The following KIT variants were observed in gnomAD, a reference collection of about 807,000 sequenced individuals.
The protein encoded by KIT is mast/stem cell growth factor receptor Kit.
Under a neutral mutation model 105.7 loss-of-function variants are expected in KIT, and 16 were observed. The observed-to-expected ratio is 0.15, with a 90% CI of 0.10 to 0.23. The LOEUF (loss-of-function observed/expected upper bound fraction) is 0.23, where lower values mean the gene tolerates loss of function less well. KIT is among the 10% of genes least tolerant of loss of function. KIT has a pLI of 1.00. For synonymous variants in KIT, 438 were observed against 441.1 expected, an observed-to-expected ratio of 0.99 and a Z score of 0.09; for missense variants, 858 against 1,213.8, an observed-to-expected ratio of 0.71 and a Z score of 4.36.
intron 19 of KIT, 80 bp from the exon 20 acceptor site, chr4:54,737,095 C>A: frequency 1.1e-6 from 1 of 898,106 alleles, no homozygotes; most frequent in Non-Finnish European, 1.9e-6. Context: ...GGAATTATTA[C>A]TGAAGTTGCT....
At chr4:54,717,383 G>A (rs1383936681) in intron 7 of KIT, among the ~76,000 whole-genome samples, 2 of 152,138 alleles carry the variant, frequency 1.3e-5, no homozygotes, top group African/African-American at 4.8e-5. Context: ...GGGCCTTGAT[G>A]TAAACACTGA....
chr4:54,660,650 A>G (rs949392909), intron 1 of KIT, among the ~76,000 whole-genome samples: 1 of 151,874 alleles, frequency 6.6e-6, no homozygotes, highest in African/African-American at 2.4e-5. Flanking sequence ...TTGGGGCTTT[A>G]CCTATTTCTA....
chr4:54,678,620 G>A (rs1718688362), intron 1 of KIT, among the ~76,000 whole-genome samples: 1 of 152,058 alleles, frequency 6.6e-6, no homozygotes, highest in Non-Finnish European at 1.5e-5. Context: ...ATCCATGCAT[G>A]TCTGACTCCA....
intron 7 of KIT, among the ~76,000 whole-genome samples, chr4:54,709,925 TG>T (rs1382655249): frequency 3.3e-5 from 5 of 152,222 alleles, no homozygotes; most frequent in Non-Finnish European, 7.3e-5. Flanking sequence ...AGCCCTGACG[TG>T]ATTTCTTTGT....
At chr4:54,684,371 C>T (rs1225235533) in intron 1 of KIT, among the ~76,000 whole-genome samples, 1 of 152,006 alleles carries the variant, frequency 6.6e-6, no homozygotes, top group African/African-American at 2.4e-5. Flanking sequence ...AAGAGTAGGT[C>T]CAAAAAAAGG....
In KIT at chr4:54,678,290, CTCCTTCCTTCCTTCCTTCCT is replaced by C. The variant is rs55800200; in HGVS notation, c.68-17178_68-17159del. ...TTCAATGCATTCCATGGCTGGCTCG[CTCCTTCCTTCCTTCCTTCCT>C]TCCTTCCTTCCTTCCTTCCTTCCTT... On this transcript the variant is annotated intron_variant, in intron 1 of 20. Coordinates refer to ENST00000288135, the MANE Select transcript of KIT (RefSeq NM_000222.3). Among the ~76,000 whole-genome samples the C allele has an allele frequency of 5.7e-3, 578 of 101,612 alleles. 11 individuals carry two copies. Among genetic ancestry groups the C allele is most frequent in the African/African-American group, 0.019 (405 of 21,858 alleles). 66.7% of individuals were successfully genotyped at this position (101,612 alleles called of 152,430 possible).
At chr4:54,704,225 G>A (rs1033092438) in intron 5 of KIT, among the ~76,000 whole-genome samples, 3 of 152,216 alleles carry the variant, frequency 2.0e-5, no homozygotes, top group African/African-American at 7.2e-5. Context: ...GGAAATGGAT[G>A]TAGAATTTAT....
chr4:54,692,618 T>C (rs1719787610), intron 1 of KIT, among the ~76,000 whole-genome samples: 1 of 152,208 alleles, frequency 6.6e-6, no homozygotes, highest in South Asian at 2.1e-4. Flanking sequence ...CATTGGGAAC[T>C]GTTCTTTTTT....
chr4:54,667,405 T>C (rs979692673), intron 1 of KIT, among the ~76,000 whole-genome samples: 1 of 152,190 alleles, frequency 6.6e-6, no homozygotes, highest in Non-Finnish European at 1.5e-5. Context: ...AGGAAGATGG[T>C]CCTGGGTAGG....
chr4:54,696,543 G>A (rs1720080545), intron 2 of KIT, among the ~76,000 whole-genome samples: 1 of 152,182 alleles, frequency 6.6e-6, no homozygotes, highest in African/African-American at 2.4e-5. Context: ...GGCTGTCTTT[G>A]AAACAGGCCT....
At chr4:54,683,896 A>G (rs551273204) in intron 1 of KIT, among the ~76,000 whole-genome samples, 2 of 152,338 alleles carry the variant, frequency 1.3e-5, no homozygotes, top group Admixed American at 1.3e-4. Flanking sequence ...GGCAATGTTG[A>G]GGAATCTGAG....
intron 7 of KIT, among the ~76,000 whole-genome samples, chr4:54,722,400 T>A (rs1721936301): frequency 6.6e-6 from 1 of 152,164 alleles, no homozygotes; most frequent in Admixed American, 6.5e-5. Flanking sequence ...CAGTTATTAT[T>A]CCCATTTTAC....
intron 7 of KIT, among the ~76,000 whole-genome samples, chr4:54,721,963 T>G (rs1042611893): frequency 6.6e-6 from 1 of 152,182 alleles, no homozygotes; most frequent in Non-Finnish European, 1.5e-5. Context: ...AGGTAGATAT[T>G]CTGATTATAA....
At chr4:54,702,699 T>C (rs1720531008) in intron 4 of KIT, among the ~76,000 whole-genome samples, 1 of 152,124 alleles carries the variant, frequency 6.6e-6, no homozygotes, top group East Asian at 1.9e-4. Flanking sequence ...AAGCTTTTAT[T>C]TTCTGTTGAG....
At chr4:54,738,339 T>G in intron 20 of KIT, 90 bp from the exon 21 acceptor site, 1 of 1,465,162 alleles carries the variant, frequency 6.8e-7, no homozygotes, top group Non-Finnish European at 9.6e-7. Context: ...TTTCCATCAG[T>G]TAGTTGTGAT....
At chr4:54,683,030 G>A (rs2109613932) in intron 1 of KIT, among the ~76,000 whole-genome samples, 1 of 152,030 alleles carries the variant, frequency 6.6e-6, no homozygotes, top group South Asian at 2.1e-4. Flanking sequence ...GGGATTACAG[G>A]TGTGAGCTAC....
At chr4:54,730,337 A>G (rs1722506437) in intron 14 of KIT, among the ~76,000 whole-genome samples, 1 of 152,146 alleles carries the variant, frequency 6.6e-6, no homozygotes, top group African/African-American at 2.4e-5. Context: ...GCATCTTGCA[A>G]TGGCAAGACA....
chr4:54,709,254 G>T (rs1190081776), intron 6 of KIT, among the ~76,000 whole-genome samples, 170 bp from the exon 7 acceptor site: 1 of 152,196 alleles, frequency 6.6e-6, no homozygotes, highest in Non-Finnish European at 1.5e-5. Flanking sequence ...GATGGAATAT[G>T]TGTGTGCGTG....
chr4:54,662,993 G>T (rs1156949183), intron 1 of KIT, among the ~76,000 whole-genome samples: 9 of 145,630 alleles, frequency 6.2e-5, no homozygotes, highest in Non-Finnish European at 1.0e-4. Flanking sequence ...TCTCCAGGGG[G>T]GAAAAAAAAA....
Sources: gnomAD v4.1 joint callset for allele counts (sites outside exome capture counted in the v4.1 genomes callset) on GRCh38, gnomAD v4.1.1 for gene constraint, MANE v1.5 for transcripts, NCBI Gene and HGNC (gene_info 2026-07-23, HGNC 2026-07-21) for gene names.